The following NBAS variants were observed in gnomAD, a reference collection of about 807,000 sequenced individuals.
The protein encoded by NBAS is NAG/BC035112 fusion.
A neutral mutation model predicts 302.5 loss-of-function variants in NBAS; 219 were observed. The ratio of observed to expected loss-of-function variants is 0.72; its 90% CI spans 0.65 to 0.81. The LOEUF is 0.81. Ranked by LOEUF, NBAS falls within the 30% of genes least tolerant of loss-of-function variation. NBAS has a pLI of 0.00. For synonymous variants in NBAS, 1,118 were observed against 1,021.6 expected, an observed-to-expected ratio of 1.09 and a Z score of -1.80; for missense variants, 2,932 against 2,841.6, an observed-to-expected ratio of 1.03 and a Z score of -0.72.
the NBAS span, among the ~76,000 whole-genome samples, chr2:14,902,379 T>C: frequency 6.6e-6 from 1 of 152,182 alleles, no homozygotes; most frequent in South Asian, 2.1e-4. Flanking sequence ...TGATCCACCC[T>C]CCTTGGCCTC....
the NBAS span, among the ~76,000 whole-genome samples, chr2:15,132,584 A>C: frequency 1.3e-5 from 2 of 152,198 alleles, no homozygotes; most frequent in African/African-American, 4.8e-5. Flanking sequence ...GGACTTTGGG[A>C]TATAATAATG....
At chr2:15,547,560 G>A (rs1339270467) in intron 6 of NBAS, among the ~76,000 whole-genome samples, 2 of 152,168 alleles carry the variant, frequency 1.3e-5, no homozygotes, top group Non-Finnish European at 2.9e-5. Context: ...GAAGGGTAAA[G>A]CTTCCCATGT....
chr2:14,897,284 C>T, the NBAS span, among the ~76,000 whole-genome samples: 5 of 152,136 alleles, frequency 3.3e-5, no homozygotes, highest in African/African-American at 7.2e-5. Flanking sequence ...CTTTTTAGAG[C>T]GCTATGGAGA....
At chr2:14,857,760 T>A in the NBAS span, among the ~76,000 whole-genome samples, 1 of 152,152 alleles carries the variant, frequency 6.6e-6, no homozygotes, top group Admixed American at 6.6e-5. Context: ...GACACTGGAT[T>A]GGGCAAAAAT....
chr2:15,507,936 T>C (rs1661951370), intron 10 of NBAS, among the ~76,000 whole-genome samples: 1 of 152,192 alleles, frequency 6.6e-6, no homozygotes, highest in South Asian at 2.1e-4. Context: ...GACTACGATG[T>C]ATGTGTCAGC....
At chr2:15,403,881 G>GTGTC (rs1454740787) in intron 25 of NBAS, among the ~76,000 whole-genome samples, 1 of 148,034 alleles carries the variant, frequency 6.8e-6, no homozygotes, top group African/African-American at 2.5e-5. Flanking sequence ...GTGTGTGTGT[G>GTGTC]TGTGTGTGTG....
At chr2:15,387,481 G>C (rs561781398) in intron 28 of NBAS, among the ~76,000 whole-genome samples, 6 of 152,208 alleles carry the variant, frequency 3.9e-5, no homozygotes, top group Non-Finnish European at 8.8e-5. Flanking sequence ...AATATAGAAA[G>C]AGACAAAATG....
chr2:14,968,204 C>T, the NBAS span, among the ~76,000 whole-genome samples: 3 of 152,118 alleles, frequency 2.0e-5, no homozygotes, highest in South Asian at 2.1e-4. Context: ...GGTAAGGGGG[C>T]CCCATTCCAC....
intron 41 of NBAS, 84 bp downstream of exon 41, chr2:15,292,453 G>A (rs1670348199): frequency 7.1e-7 from 1 of 1,399,868 alleles, no homozygotes; most frequent in Non-Finnish European, 1.0e-6. Context: ...AACTTCAAAG[G>A]ACTGAAATTA....
chr2:14,810,498 T>C, the NBAS span, among the ~76,000 whole-genome samples: 1 of 152,228 alleles, frequency 6.6e-6, no homozygotes, highest in Non-Finnish European at 1.5e-5. Context: ...ACCATGATTG[T>C]GAGGCTTCCC....
At chr2:14,919,284 C>T in the NBAS span, among the ~76,000 whole-genome samples, 39 of 152,104 alleles carry the variant, frequency 2.6e-4, no homozygotes, top group South Asian at 8.4e-4. Flanking sequence ...TTCAAGTGTG[C>T]GATAACATTA....
the NBAS span, among the ~76,000 whole-genome samples, chr2:14,905,994 C>T: frequency 1.5e-4 from 23 of 152,160 alleles, no homozygotes; most frequent in African/African-American, 4.6e-4. Flanking sequence ...ATTATCAAAT[C>T]GGGAGCTTCC....
intron 44 of NBAS, among the ~76,000 whole-genome samples, chr2:15,270,763 A>G (rs2148041322): frequency 6.6e-6 from 1 of 152,322 alleles, no homozygotes; most frequent in Non-Finnish European, 1.5e-5. Context: ...ATAATTTTTA[A>G]AAACCTTCAT....
chr2:14,921,448 T>C, the NBAS span, among the ~76,000 whole-genome samples: 1 of 152,172 alleles, frequency 6.6e-6, no homozygotes, highest in African/African-American at 2.4e-5. Flanking sequence ...GCCAATCAAC[T>C]TCCTCAGCAC....
At chr2:15,371,337 GA>G (rs1477074963) in intron 31 of NBAS, among the ~76,000 whole-genome samples, 4 of 152,154 alleles carry the variant, frequency 2.6e-5, no homozygotes, top group African/African-American at 7.2e-5. Flanking sequence ...ATAGCAGTGT[GA>G]AAACAGGCTA....
the NBAS span, among the ~76,000 whole-genome samples, chr2:15,160,645 A>G: frequency 6.6e-6 from 1 of 150,614 alleles, no homozygotes; most frequent in Non-Finnish European, 1.5e-5. Flanking sequence ...CCTTCAATCC[A>G]CAATCTCTGA....
chr2:14,842,240 T>A, the NBAS span, among the ~76,000 whole-genome samples: 3 of 151,746 alleles, frequency 2.0e-5, no homozygotes, highest in Non-Finnish European at 4.4e-5. Context: ...TTAGAAAGAC[T>A]TCAAATAAAC....
the NBAS span, among the ~76,000 whole-genome samples, chr2:14,925,040 C>T: frequency 6.6e-6 from 1 of 152,132 alleles, no homozygotes; most frequent in Non-Finnish European, 1.5e-5. Flanking sequence ...AAGCGAATTT[C>T]GATAAAGTTA....
At chr2:15,060,371 A>G in the NBAS span, among the ~76,000 whole-genome samples, 1 of 152,184 alleles carries the variant, frequency 6.6e-6, no homozygotes, top group Non-Finnish European at 1.5e-5. Flanking sequence ...TAGTGACAGC[A>G]GCATGGAGAG....
Sources: allele counts gnomAD v4.1 joint callset (sites outside exome capture counted in the v4.1 genomes callset), GRCh38; gene constraint gnomAD v4.1.1; transcripts MANE v1.5; gene names NCBI Gene and HGNC (gene_info 2026-07-23, HGNC 2026-07-21).